SLC35F1: variants seen among roughly 807,000 people sequenced by gnomAD.
SLC35F1 encodes the protein solute carrier family 35 member F1.
SLC35F1 carries 14 observed loss-of-function variants against 48.7 expected under a neutral mutation model. That is an observed-to-expected ratio of 0.29 (90% confidence interval 0.19 to 0.45). The LOEUF (loss-of-function observed/expected upper bound fraction) is 0.45. Ranked by LOEUF, SLC35F1 falls within the 20% of genes least tolerant of loss-of-function variation. The pLI is 1.00. For synonymous variants in SLC35F1, 190 were observed against 202.2 expected (o/e 0.94, Z 0.51); for missense variants, 404 against 500.0 (o/e 0.81, Z 1.83).
chr6:118,106,272 TTC>T (rs1005721025), intron 1 of SLC35F1, among the ~76,000 whole-genome samples: 2 of 152,148 alleles, frequency 1.3e-5, no homozygotes, highest in Non-Finnish European at 2.9e-5. Context: ...TATGAATTCT[TTC>T]TCTCTCATGT....
intron 1 of SLC35F1, among the ~76,000 whole-genome samples, chr6:117,968,487 T>A (rs1776599112): frequency 6.6e-6 from 1 of 152,274 alleles, no homozygotes; most frequent in African/African-American, 2.4e-5. Flanking sequence ...AAAACCTTGC[T>A]TCAAAGAAGG....
intron 1 of SLC35F1, among the ~76,000 whole-genome samples, chr6:118,005,791 T>G (rs1421072319): frequency 6.6e-6 from 1 of 152,196 alleles, no homozygotes; most frequent in African/African-American, 2.4e-5. Context: ...ACCCACCGTC[T>G]GATACAGCCA....
chr6:118,154,235 C>T (rs888875170), intron 1 of SLC35F1, among the ~76,000 whole-genome samples: 6 of 152,156 alleles, frequency 3.9e-5, no homozygotes, highest in African/African-American at 1.4e-4. Context: ...GAGCAAACTC[C>T]TTAACCACTC....
At chr6:118,089,865 A>G (rs765448303) in intron 1 of SLC35F1, among the ~76,000 whole-genome samples, 1 of 152,212 alleles carries the variant, frequency 6.6e-6, no homozygotes, top group Non-Finnish European at 1.5e-5. Context: ...TTTCTTCCAT[A>G]AGCCAATTTC....
At chr6:117,942,491 A>T (rs1200645331) in intron 1 of SLC35F1, among the ~76,000 whole-genome samples, 1 of 152,238 alleles carries the variant, frequency 6.6e-6, no homozygotes, top group Non-Finnish European at 1.5e-5. Context: ...CATTCTATAC[A>T]GAACAGCTAA....
intron 1 of SLC35F1, among the ~76,000 whole-genome samples, chr6:118,034,114 C>G (rs775554043): frequency 6.6e-6 from 1 of 152,106 alleles, no homozygotes; most frequent in Non-Finnish European, 1.5e-5. Context: ...AACTTGTTAT[C>G]CTAGCAAGGA....
chr6:118,128,028 G>C (rs1222631551), intron 1 of SLC35F1, among the ~76,000 whole-genome samples: 1 of 151,262 alleles, frequency 6.6e-6, no homozygotes, highest in Non-Finnish European at 1.5e-5. Context: ...CTCAAAAGAA[G>C]ACATTTATGC....
intron 3 of SLC35F1, among the ~76,000 whole-genome samples, chr6:118,256,902 G>T (rs1775653263): frequency 6.6e-6 from 1 of 152,112 alleles, no homozygotes; most frequent in Admixed American, 6.5e-5. Context: ...TGAAGATTCA[G>T]TTATCCCATT....
chr6:117,980,888 A>C (rs1384098025), intron 1 of SLC35F1, among the ~76,000 whole-genome samples: 1 of 152,158 alleles, frequency 6.6e-6, no homozygotes, highest in African/African-American at 2.4e-5. Context: ...AAATGTTTAG[A>C]GTTATCCTGT....
intron 2 of SLC35F1, among the ~76,000 whole-genome samples, chr6:118,207,756 C>T (rs1472694910): frequency 2.0e-5 from 3 of 152,172 alleles, no homozygotes; most frequent in Non-Finnish European, 4.4e-5. Context: ...CTTGCCACCT[C>T]GGCCCTCCCC....
rs143213911 is a variant in SLC35F1 at position 118,112,522 on chromosome 6, T to C, written c.174-41923T>C. Among the ~76,000 whole-genome samples, 697 of 152,262 alleles carry C rather than the reference T, an allele frequency of 4.6e-3. 3 individuals are homozygous for C. The highest frequency in any genetic ancestry group is 0.016 in the African/African-American group (647 of 41,542). ...CTTTCTTAATAAACTTGCTTTTGCT[T>C]TGCACTGTGGGCTTACCCTGAATTC... On this transcript the variant is annotated intron_variant, in intron 1 of 7. Coordinates refer to ENST00000360388, the MANE Select transcript of SLC35F1 (RefSeq NM_001029858.4).
intron 1 of SLC35F1, among the ~76,000 whole-genome samples, chr6:117,964,706 T>C (rs1421313557): frequency 6.6e-6 from 1 of 152,208 alleles, no homozygotes; most frequent in East Asian, 1.9e-4. Flanking sequence ...GGCTCTGGCT[T>C]GATCAGCATC....
chr6:118,096,407 T>C (rs570034044), intron 1 of SLC35F1, among the ~76,000 whole-genome samples: 3 of 152,340 alleles, frequency 2.0e-5, no homozygotes, highest in African/African-American at 7.2e-5. Context: ...GTAGACATAC[T>C]GACCCTTTTA....
At chr6:118,280,704 C>A (rs1391538948) in intron 6 of SLC35F1, among the ~76,000 whole-genome samples, 1 of 151,858 alleles carries the variant, frequency 6.6e-6, no homozygotes, top group African/African-American at 2.4e-5. Context: ...ATGGTGAAAC[C>A]GTGCCTCTAC....
chr6:117,917,629 G>A (rs1775842910), intron 1 of SLC35F1, among the ~76,000 whole-genome samples: 1 of 152,076 alleles, frequency 6.6e-6, no homozygotes, highest in African/African-American at 2.4e-5. Flanking sequence ...TTTCTAAGGT[G>A]GGAAAGACTG....
intron 7 of SLC35F1, among the ~76,000 whole-genome samples, chr6:118,296,143 C>T (rs1218181358): frequency 6.6e-6 from 1 of 152,184 alleles, no homozygotes; most frequent in Non-Finnish European, 1.5e-5. Flanking sequence ...AAATAAAGTT[C>T]TATTGGAGCA....
chr6:118,052,380 C>T (rs1772403949), intron 1 of SLC35F1, among the ~76,000 whole-genome samples: 1 of 152,190 alleles, frequency 6.6e-6, no homozygotes, highest in Non-Finnish European at 1.5e-5. Context: ...TGAGTTTGTA[C>T]TATCCTTGAC....
chr6:118,050,272 A>G (rs1265728610), intron 1 of SLC35F1, among the ~76,000 whole-genome samples: 27 of 151,932 alleles, frequency 1.8e-4, no homozygotes, highest in African/African-American at 6.5e-4. Context: ...GCTAAATGAC[A>G]AGTTAGTGGG....
At chr6:118,023,024 C>T (rs1331463191) in intron 1 of SLC35F1, among the ~76,000 whole-genome samples, 1 of 152,096 alleles carries the variant, frequency 6.6e-6, no homozygotes, top group Non-Finnish European at 1.5e-5. Context: ...TCCCAAAGTG[C>T]TGCGATTACA....
Sources: allele counts gnomAD v4.1 joint callset (sites outside exome capture counted in the v4.1 genomes callset), GRCh38; gene constraint gnomAD v4.1.1; transcripts MANE v1.5; gene names NCBI Gene and HGNC (gene_info 2026-07-23, HGNC 2026-07-21).